The following DAB1 variants were observed in gnomAD, a reference collection of about 807,000 sequenced individuals.
DAB1 encodes the protein DAB adaptor protein 1.
DAB1 carries 15 observed loss-of-function variants against 64.6 expected under a neutral mutation model. The observed-to-expected ratio is 0.23, with a 90% CI of 0.16 to 0.36. DAB1 has a LOEUF of 0.36. DAB1 is among the 10% of genes least tolerant of loss of function. The pLI is 1.00. For synonymous variants in DAB1, 235 were observed against 251.9 expected (o/e 0.93, Z 0.64); for missense variants, 596 against 706.7 (o/e 0.84, Z 1.78).
chr1:58,066,546 C>T (rs1044601734), intron 5 of DAB1, among the ~76,000 whole-genome samples: 2 of 152,192 alleles, frequency 1.3e-5, no homozygotes, highest in African/African-American at 4.8e-5. Context: ...CTCATAATCT[C>T]ACAACCATAC....
intron 5 of DAB1, among the ~76,000 whole-genome samples, chr1:58,146,415 T>C (rs1654597176): frequency 6.6e-6 from 1 of 152,306 alleles, no homozygotes; most frequent in East Asian, 1.9e-4. Flanking sequence ...TACAATATAA[T>C]TAACTAGTCC....
intron 3 of DAB1, among the ~76,000 whole-genome samples, chr1:58,488,695 C>T (rs1645619752): frequency 6.6e-6 from 1 of 152,192 alleles, no homozygotes; most frequent in Non-Finnish European, 1.5e-5. Flanking sequence ...CAGGTATCTC[C>T]TGCCTCGGCC....
At chr1:57,221,072 A>C (rs1666828587) in intron 2 of DAB1, among the ~76,000 whole-genome samples, 1 of 152,200 alleles carries the variant, frequency 6.6e-6, no homozygotes, top group Non-Finnish European at 1.5e-5. Flanking sequence ...CAGCCATAAA[A>C]AAGGATGAGT....
intron 7 of DAB1, among the ~76,000 whole-genome samples, chr1:57,472,466 C>T (rs180863640): frequency 7.9e-5 from 12 of 152,190 alleles, no homozygotes; most frequent in East Asian, 5.8e-4. Flanking sequence ...GACAGCCTGG[C>T]GCCACACAAT....
At chr1:57,769,015 T>G (rs1649444043) in intron 6 of DAB1, among the ~76,000 whole-genome samples, 1 of 152,260 alleles carries the variant, frequency 6.6e-6, no homozygotes, top group East Asian at 1.9e-4. Flanking sequence ...CTGGGCTCAC[T>G]TTGCCCTTCA....
At chr1:58,335,477 C>G (rs966940600) in intron 4 of DAB1, among the ~76,000 whole-genome samples, 5 of 152,102 alleles carry the variant, frequency 3.3e-5, no homozygotes, top group African/African-American at 1.2e-4. Flanking sequence ...TGGAGCAAGG[C>G]AAGTGGGGGT....
At chr1:57,360,556 A>G (rs1679468344) in intron 1 of DAB1, among the ~76,000 whole-genome samples, 1 of 152,114 alleles carries the variant, frequency 6.6e-6, no homozygotes. Flanking sequence ...TCCTGCCTTC[A>G]TTTGGAAACA....
chr1:57,589,402 T>C (rs980634581), intron 7 of DAB1, among the ~76,000 whole-genome samples: 2 of 152,112 alleles, frequency 1.3e-5, no homozygotes, highest in Non-Finnish European at 2.9e-5. Context: ...GATTTTTTTA[T>C]ATGTAAATGA....
At chr1:58,055,898 T>C (rs986431684) in intron 5 of DAB1, among the ~76,000 whole-genome samples, 1 of 151,228 alleles carries the variant, frequency 6.6e-6, no homozygotes, top group Non-Finnish European at 1.5e-5. Flanking sequence ...ATTATTATTA[T>C]TATTATTATT....
intron 5 of DAB1, among the ~76,000 whole-genome samples, chr1:57,900,336 G>C (rs1569950279): frequency 6.6e-6 from 1 of 152,308 alleles, no homozygotes; most frequent in African/African-American, 2.4e-5. Context: ...CCAGGAGAGA[G>C]ACCCTGTCCC....
intron 7 of DAB1, among the ~76,000 whole-genome samples, chr1:57,605,397 G>C (rs1375030934): frequency 1.3e-5 from 2 of 152,066 alleles, no homozygotes; most frequent in Admixed American, 6.6e-5. Context: ...GTTTCACATG[G>C]CTATTTACCC....
intron 2 of DAB1, among the ~76,000 whole-genome samples, chr1:57,164,413 A>G (rs942278672): frequency 5.3e-5 from 8 of 152,088 alleles, no homozygotes; most frequent in Non-Finnish European, 1.0e-4. Flanking sequence ...GATACCCTCC[A>G]GATCTTGGTG....
At chr1:57,809,144 A>G (rs1651502170) in intron 6 of DAB1, among the ~76,000 whole-genome samples, 2 of 152,204 alleles carry the variant, frequency 1.3e-5, no homozygotes, top group African/African-American at 4.8e-5. Flanking sequence ...GACCATTTGC[A>G]TATTGGCAAT....
At chr1:57,873,765 T>C (rs1557530152) in intron 1 of DAB1, among the ~76,000 whole-genome samples, 1 of 152,138 alleles carries the variant, frequency 6.6e-6, no homozygotes, top group Non-Finnish European at 1.5e-5. Context: ...GTATTCGTCT[T>C]ATAGGATTAT....
At chr1:58,374,595 G>T (rs1482120297) in intron 3 of DAB1, among the ~76,000 whole-genome samples, 65 of 140,882 alleles carry the variant, frequency 4.6e-4, no homozygotes, top group African/African-American at 1.7e-3. Context: ...TTGTAGTATA[G>T]TTTGAAGTCA....
At chr1:58,464,034 C>A (rs972096792) in intron 3 of DAB1, among the ~76,000 whole-genome samples, 1 of 152,162 alleles carries the variant, frequency 6.6e-6, no homozygotes, top group South Asian at 2.1e-4. Flanking sequence ...AGATACTGAA[C>A]GACAGGAGGT....
intron 1 of DAB1, among the ~76,000 whole-genome samples, chr1:57,292,150 T>A (rs1672828657): frequency 6.6e-6 from 1 of 152,144 alleles, no homozygotes; most frequent in African/African-American, 2.4e-5. Context: ...ATCCCACAGA[T>A]GTAGAATGGT....
rs61767502 is a variant in DAB1 at position 57,178,705 on chromosome 1, G to T, written c.68-33276C>A. Among the ~76,000 whole-genome samples, 1,296 of 152,106 alleles carry T rather than the reference G, an allele frequency of 8.5e-3. 25 individuals carry two copies. The highest frequency in any genetic ancestry group is 0.078 in the East Asian group (405 of 5,170). ...TGTTATAATGCCTTGATGTGGGTAG[G>T]TGTTTTATCTGTGTTCATTTATAAT... On this transcript the variant is annotated intron_variant, in intron 2 of 14. Transcript: ENST00000371236.
chr1:57,510,771 T>G (rs933828131), intron 7 of DAB1, among the ~76,000 whole-genome samples: 1 of 152,098 alleles, frequency 6.6e-6, no homozygotes, highest in Non-Finnish European at 1.5e-5. Context: ...CAAATCTATC[T>G]CCACTGTGTT....
Sources: allele counts gnomAD v4.1 joint callset (sites outside exome capture counted in the v4.1 genomes callset), GRCh38; gene constraint gnomAD v4.1.1; transcripts MANE v1.5; gene names NCBI Gene and HGNC (gene_info 2026-07-23, HGNC 2026-07-21).